DLG2: variants seen among roughly 807,000 people sequenced by gnomAD.
The protein encoded by DLG2 is disks large homolog 2.
In DLG2, 45 loss-of-function variants were observed where a neutral mutation model predicts 132.5. That is an observed-to-expected ratio of 0.34 (90% CI 0.27 to 0.44). The LOEUF (loss-of-function observed/expected upper bound fraction) is 0.44. Ranked by LOEUF, DLG2 falls within the 20% of genes least tolerant of loss-of-function variation. DLG2 has a pLI of 1.00. For missense variants in DLG2, 1,045 were observed against 1,196.9 expected, an observed-to-expected ratio of 0.87 and a Z score of 1.87; for synonymous variants, 424 against 419.6, an observed-to-expected ratio of 1.01 and a Z score of -0.13.
At chr11:84,999,744 G>C (rs2058031733) in intron 6 of DLG2, among the ~76,000 whole-genome samples, 1 of 152,034 alleles carries the variant, frequency 6.6e-6, no homozygotes, top group African/African-American at 2.4e-5. Flanking sequence ...GGCAGGAATA[G>C]GGTTTCAATT....
intron 6 of DLG2, among the ~76,000 whole-genome samples, chr11:84,701,500 C>T (rs1332543440): frequency 6.6e-6 from 1 of 151,564 alleles, no homozygotes; most frequent in Non-Finnish European, 1.5e-5. Flanking sequence ...GTCCTGTACT[C>T]CCATTCTCAC....
intron 4 of DLG2, among the ~76,000 whole-genome samples, chr11:85,202,097 T>C (rs2081507938): frequency 1.3e-5 from 2 of 151,730 alleles, no homozygotes; most frequent in Non-Finnish European, 1.5e-5. Flanking sequence ...ATTTGTGTTA[T>C]TGGCATTAAA....
At chr11:85,512,315 A>G (rs1314927823) in intron 3 of DLG2, among the ~76,000 whole-genome samples, 2 of 152,144 alleles carry the variant, frequency 1.3e-5, no homozygotes, top group African/African-American at 2.4e-5. Context: ...GATAGAACAC[A>G]ATGGATAAGT....
At chr11:83,862,564 T>C (rs2061621593) in intron 16 of DLG2, among the ~76,000 whole-genome samples, 1 of 152,076 alleles carries the variant, frequency 6.6e-6, no homozygotes, top group African/African-American at 2.4e-5. Context: ...TGGTAAACAA[T>C]ATTTTAATGT....
At chr11:84,586,301 T>C (rs1010555763) in intron 6 of DLG2, among the ~76,000 whole-genome samples, 1 of 152,240 alleles carries the variant, frequency 6.6e-6, no homozygotes, top group Non-Finnish European at 1.5e-5. Context: ...ATAAGCATGT[T>C]ATGATTATAT....
chr11:85,408,410 T>C (rs2088977601), intron 3 of DLG2, among the ~76,000 whole-genome samples: 2 of 151,254 alleles, frequency 1.3e-5, no homozygotes, highest in South Asian at 4.1e-4. Flanking sequence ...ATTATTATTA[T>C]TATACTTTAA....
In DLG2 at chr11:85,138,882, C is replaced by T. The variant is rs76871776; in HGVS notation, c.282+15674G>A. Among the ~76,000 whole-genome samples, 655 of 151,184 alleles carry T rather than the reference C, an allele frequency of 4.3e-3. 3 individuals are homozygous for T. The highest frequency in any genetic ancestry group is 0.014 in the African/African-American group (588 of 40,998). On this transcript the variant is annotated intron_variant, in intron 5 of 27. Coordinates refer to ENST00000376104, the MANE Select transcript of DLG2 (RefSeq NM_001142699.3). ...TATGTCTTTATAAGCAGCCTGAAAA[C>T]GAACTAATACATACCCAAAGCACAC...
intron 7 of DLG2, among the ~76,000 whole-genome samples, chr11:84,314,637 A>G (rs943176126): frequency 2.0e-5 from 3 of 152,066 alleles, no homozygotes; most frequent in Non-Finnish European, 4.4e-5. Flanking sequence ...ATTCTTTGGA[A>G]GAACAAGCTG....
At chr11:83,675,925 T>C (rs1295786259) in intron 18 of DLG2, among the ~76,000 whole-genome samples, 1 of 152,212 alleles carries the variant, frequency 6.6e-6, no homozygotes, top group East Asian at 1.9e-4. Context: ...TTCATTCCAT[T>C]ATGTTATGTA....
In DLG2 at chr11:83,471,839, T is replaced by C. The variant is rs549398601; in HGVS notation, c.2345-112A>G. On this transcript the variant is annotated intron_variant, in intron 23 of 27. Transcript: ENST00000376104. The stretch of plus-strand genomic sequence containing the variant: ...CAGACAGTAAGAGATGCTAAGGGCA[T>C]TACTTCACTGGATAAATTACTCATA... 31 of 801,684 alleles carry C rather than the reference T, an allele frequency of 3.9e-5. No individual in the cohort carries two copies. In the South Asian group the frequency reaches 4.8e-4, roughly 13 times the overall value. 49.7% of individuals were successfully genotyped at this position (801,684 alleles called of 1,614,324 possible).
chr11:84,361,386 C>T (rs1031216391), intron 7 of DLG2, among the ~76,000 whole-genome samples: 9 of 151,868 alleles, frequency 5.9e-5, no homozygotes, highest in Admixed American at 2.6e-4. Flanking sequence ...ACAGCAACCC[C>T]TCCTCATAAA....
rs1241417582 is a variant in DLG2 at position 83,490,762 on chromosome 11, A to G, written c.2194-6534T>C. 2.0e-5 allele frequency among the ~76,000 whole-genome samples: 3 copies of G among 151,972 alleles called. 1 individual carries two copies. Among genetic ancestry groups the G allele is most frequent in the Admixed American group, 2.0e-4 (3 of 15,212 alleles). On this transcript the variant is annotated intron_variant, in intron 21 of 27. Coordinates refer to ENST00000376104, the MANE Select transcript of DLG2 (RefSeq NM_001142699.3). ...TGTAGTATTTCTGCCAAATATGTCAATGTCATGAAAACTATAAAATATGTC... is the reference window on the plus strand; with the variant it reads ...TGTAGTATTTCTGCCAAATATGTCAGTGTCATGAAAACTATAAAATATGTC...
intron 6 of DLG2, among the ~76,000 whole-genome samples, chr11:84,910,607 T>C (rs773745698): frequency 1.3e-5 from 2 of 152,166 alleles, no homozygotes; most frequent in Non-Finnish European, 2.9e-5. Flanking sequence ...TTTTAACAAA[T>C]GAACTGGAAA....
intron 17 of DLG2, among the ~76,000 whole-genome samples, chr11:83,822,625 A>AT (rs1184846107): frequency 1.3e-5 from 2 of 152,072 alleles, no homozygotes; most frequent in African/African-American, 4.8e-5. Context: ...AGAAACAGAG[A>AT]TTTTTCATGG....
At chr11:84,167,939 T>A (rs1029659224) in intron 8 of DLG2, among the ~76,000 whole-genome samples, 1 of 152,150 alleles carries the variant, frequency 6.6e-6, no homozygotes, top group African/African-American at 2.4e-5. Flanking sequence ...GTGCTGGGAT[T>A]ACAGGCGTGA....
intron 3 of DLG2, among the ~76,000 whole-genome samples, chr11:85,581,089 C>T (rs557269589): frequency 1.2e-4 from 19 of 152,254 alleles, no homozygotes; most frequent in African/African-American, 3.9e-4. Flanking sequence ...TCCCCCAGCT[C>T]TCTTCCTACC....
intron 7 of DLG2, among the ~76,000 whole-genome samples, chr11:84,358,552 T>C (rs1463045283): frequency 2.6e-5 from 4 of 151,812 alleles, no homozygotes; most frequent in African/African-American, 9.6e-5. Context: ...AACTCTGAGG[T>C]GGTAACTTCT....
At chr11:84,201,817 T>C (rs1304649106) in intron 8 of DLG2, among the ~76,000 whole-genome samples, 3 of 115,752 alleles carry the variant, frequency 2.6e-5, no homozygotes. Flanking sequence ...TCTTTTTTTT[T>C]TTTTTTTTTT....
intron 7 of DLG2, among the ~76,000 whole-genome samples, chr11:84,282,336 T>C (rs1215602452): frequency 6.6e-6 from 1 of 152,046 alleles, no homozygotes; most frequent in East Asian, 1.9e-4. Flanking sequence ...AGGAGAGTAA[T>C]AGTTGACTGG....
Sources: gnomAD v4.1 joint callset for allele counts (sites outside exome capture counted in the v4.1 genomes callset) on GRCh38, gnomAD v4.1.1 for gene constraint, MANE v1.5 for transcripts, NCBI Gene and HGNC (gene_info 2026-07-23, HGNC 2026-07-21) for gene names.